The following GALNTL6 variants were observed in gnomAD, a reference collection of about 807,000 sequenced individuals.
GALNTL6 encodes the protein polypeptide N-acetylgalactosaminyltransferase like 6.
A neutral mutation model predicts 73.7 loss-of-function variants in GALNTL6; 46 were observed. The observed-to-expected ratio is 0.62, with a 90% CI of 0.49 to 0.80. The LOEUF is 0.80. Among genes scored for constraint, GALNTL6 ranks in the 30% least tolerant of loss-of-function variants. The probability of loss-of-function intolerance (pLI) is 0.00; values close to 1 mark genes in which losing one functional copy is unlikely to be tolerated. For synonymous variants in GALNTL6, 259 were observed against 263.7 expected (o/e 0.98, Z 0.17); for missense variants, 604 against 755.0 (o/e 0.80, Z 2.34).
At chr4:172,164,604 T>C (rs765870725) in intron 2 of GALNTL6, among the ~76,000 whole-genome samples, 2 of 152,048 alleles carry the variant, frequency 1.3e-5, no homozygotes, top group Admixed American at 6.5e-5. Flanking sequence ...CTTATTACTA[T>C]ACTAATAATA....
chr4:172,666,241 C>T (rs945001239), intron 5 of GALNTL6, among the ~76,000 whole-genome samples: 2 of 152,098 alleles, frequency 1.3e-5, no homozygotes, highest in African/African-American at 4.8e-5. Flanking sequence ...AGAACTAGTA[C>T]ATGGTGAATG....
At chr4:171,961,189 G>T (rs1739209103) in intron 2 of GALNTL6, among the ~76,000 whole-genome samples, 1 of 152,142 alleles carries the variant, frequency 6.6e-6, no homozygotes, top group African/African-American at 2.4e-5. Flanking sequence ...GGAATTGACT[G>T]AAATGGCATA....
chr4:172,308,003 C>CTTTT (rs70941399), intron 3 of GALNTL6, among the ~76,000 whole-genome samples: 748 of 34,584 alleles, frequency 0.022, 123 homozygotes, highest in South Asian at 0.053. Context: ...TGTGTTTTAA[C>CTTTT]TTTTTTTTTT....
At chr4:172,246,015 A>T (rs1007188111) in intron 3 of GALNTL6, among the ~76,000 whole-genome samples, 1 of 152,206 alleles carries the variant, frequency 6.6e-6, no homozygotes, top group African/African-American at 2.4e-5. Flanking sequence ...CAGAACTGAG[A>T]TCATACTAAT....
intron 5 of GALNTL6, among the ~76,000 whole-genome samples, chr4:172,753,146 T>G (rs1359452772): frequency 6.6e-6 from 1 of 152,164 alleles, no homozygotes; most frequent in Admixed American, 6.5e-5. Flanking sequence ...TCCCCCATAC[T>G]GTTCTTGTGG....
At chr4:172,085,973 G>A (rs1732021937) in intron 2 of GALNTL6, among the ~76,000 whole-genome samples, 1 of 151,842 alleles carries the variant, frequency 6.6e-6, no homozygotes, top group Non-Finnish European at 1.5e-5. Flanking sequence ...CAATTTAATG[G>A]GTACTTTGCA....
rs990853757 is a variant in GALNTL6 at position 171,943,752 on chromosome 4, C to A, written c.138+129034C>A. On this transcript the variant is annotated intron_variant, in intron 2 of 12. Transcript: ENST00000506823. ...AATGCAAAGAGAAACAGAAGATAATCACTTCTGAGTTAATGTTTTCCTTGA... is the reference window on the plus strand; with the variant it reads ...AATGCAAAGAGAAACAGAAGATAATAACTTCTGAGTTAATGTTTTCCTTGA... Among the ~76,000 whole-genome samples, 5 of 152,262 alleles carry A rather than the reference C, an allele frequency of 3.3e-5. No individual in the cohort carries two copies. The South Asian group carries it at 1.0e-3, about 32-fold the overall frequency.
At chr4:172,339,257 CCACACACACACACACACACACACACACA>C (rs70941402) in intron 4 of GALNTL6, among the ~76,000 whole-genome samples, 7 of 121,006 alleles carry the variant, frequency 5.8e-5, no homozygotes, top group South Asian at 3.0e-4. Flanking sequence ...CACACACACA[CCACACACACACACACACACACACACACA>C]CACACACACA....
At chr4:172,830,556 C>T (rs751890228) in intron 7 of GALNTL6, among the ~76,000 whole-genome samples, 1 of 152,198 alleles carries the variant, frequency 6.6e-6, no homozygotes, top group Non-Finnish European at 1.5e-5. Flanking sequence ...GTAATGTACA[C>T]AGGGAATCAA....
At chr4:172,683,126 C>T (rs1045534091) in intron 5 of GALNTL6, among the ~76,000 whole-genome samples, 3 of 152,174 alleles carry the variant, frequency 2.0e-5, no homozygotes, top group East Asian at 1.9e-4. Flanking sequence ...TTTGTTGAGA[C>T]GTTTTGGCCA....
At chr4:172,058,540 G>C (rs1731100367) in intron 2 of GALNTL6, among the ~76,000 whole-genome samples, 1 of 151,938 alleles carries the variant, frequency 6.6e-6, no homozygotes, top group African/African-American at 2.4e-5. Flanking sequence ...TTGTGTCTGT[G>C]TGTGTGTGCA....
intron 5 of GALNTL6, among the ~76,000 whole-genome samples, chr4:172,782,979 C>G (rs1248695326): frequency 6.6e-6 from 1 of 152,014 alleles, no homozygotes; most frequent in East Asian, 1.9e-4. Flanking sequence ...CCAAAATGCA[C>G]AGTAATTGGC....
chr4:171,833,197 T>A (rs1735023162), intron 2 of GALNTL6, among the ~76,000 whole-genome samples: 1 of 151,796 alleles, frequency 6.6e-6, no homozygotes, highest in Non-Finnish European at 1.5e-5. Context: ...AAGTAAAGTA[T>A]AAATTGCTTA....
intron 2 of GALNTL6, among the ~76,000 whole-genome samples, chr4:171,882,225 A>G (rs1578937415): frequency 6.6e-6 from 1 of 152,210 alleles, no homozygotes; most frequent in South Asian, 2.1e-4. Flanking sequence ...AATTCTGACT[A>G]CAGCTATCTT....
At chr4:171,952,868 CT>C (rs33977814) in intron 2 of GALNTL6, among the ~76,000 whole-genome samples, 71,272 of 151,580 alleles carry the variant, frequency 0.47, 17,134 homozygotes, top group Middle Eastern at 0.62. Context: ...ATATATAAAC[CT>C]TGAAAAGAAA....
chr4:172,965,635 T>C lies in GALNTL6; in HGVS notation c.1371+13377T>C, dbSNP rs180794820. ...GTAAAAATTAAAAAAAAAAAAACAA[T>C]TTTAATTCCACATTCCCAGACGAGC... On this transcript the variant is annotated intron_variant, in intron 10 of 12. Coordinates refer to ENST00000506823, the MANE Select transcript of GALNTL6 (RefSeq NM_001034845.3). Among the ~76,000 whole-genome samples the C allele has an allele frequency of 8.6e-5, 13 of 151,350 alleles. No individual in the cohort carries two copies. In the East Asian group the frequency reaches 2.5e-3, roughly 29 times the overall value.
At chr4:171,897,675 G>A (rs1233381554) in intron 2 of GALNTL6, among the ~76,000 whole-genome samples, 1 of 151,624 alleles carries the variant, frequency 6.6e-6, no homozygotes, top group Non-Finnish European at 1.5e-5. Flanking sequence ...TTTCGAGACG[G>A]AGTCTCACTC....
intron 3 of GALNTL6, among the ~76,000 whole-genome samples, chr4:172,252,416 A>G (rs1340475626): frequency 6.6e-6 from 1 of 152,190 alleles, no homozygotes; most frequent in African/African-American, 2.4e-5. Context: ...TATATTACCC[A>G]CTTACCTCTT....
intron 8 of GALNTL6, among the ~76,000 whole-genome samples, chr4:172,920,515 T>C (rs1747738526): frequency 6.6e-6 from 1 of 152,180 alleles, no homozygotes; most frequent in African/African-American, 2.4e-5. Context: ...CTTAAGAATT[T>C]TTTCAACCTT....
Sources: allele counts gnomAD v4.1 joint callset (sites outside exome capture counted in the v4.1 genomes callset), GRCh38; gene constraint gnomAD v4.1.1; transcripts MANE v1.5; gene names NCBI Gene and HGNC (gene_info 2026-07-23, HGNC 2026-07-21).